Variants in CDH13 observed in about 807,000 individuals in gnomAD.
CDH13 encodes cadherin 13.
In CDH13, 24 loss-of-function variants were observed where a neutral mutation model predicts 63.8. That is an observed-to-expected ratio of 0.38 (90% confidence interval 0.27 to 0.53). The LOEUF (loss-of-function observed/expected upper bound fraction) is 0.53, where lower values mean the gene tolerates loss of function less well. Among genes scored for constraint, CDH13 ranks in the 20% least tolerant of loss-of-function variants. CDH13 has a pLI of 0.85. For missense variants in CDH13, 1,049 were observed against 903.1 expected, an observed-to-expected ratio of 1.16 and a Z score of -2.07; for synonymous variants, 503 against 355.3, an observed-to-expected ratio of 1.42 and a Z score of -4.67.
At chr16:83,761,545 A>G (rs1913968899) in intron 11 of CDH13, among the ~76,000 whole-genome samples, 1 of 152,224 alleles carries the variant, frequency 6.6e-6, no homozygotes, top group South Asian at 2.1e-4. Flanking sequence ...GAGGCACAAA[A>G]GCAGCTGGAT....
intron 6 of CDH13, among the ~76,000 whole-genome samples, chr16:83,347,394 C>T (rs2090862929): frequency 6.6e-6 from 1 of 152,016 alleles, no homozygotes; most frequent in African/African-American, 2.4e-5. Flanking sequence ...TGGGGGCTGA[C>T]TCTGGAAAGA....
intron 5 of CDH13, among the ~76,000 whole-genome samples, chr16:83,336,312 A>AAAG (rs1555531897): frequency 3.5e-5 from 5 of 143,848 alleles, no homozygotes; most frequent in Admixed American, 7.2e-5. Flanking sequence ...AAAAAAAAAA[A>AAAG]AAAAAAGAAA....
rs144421360 is a variant in CDH13, at chr16:82,997,773, A to G, written c.158-34237A>G. Among the ~76,000 whole-genome samples the G allele has an allele frequency of 1.8e-3, 270 of 152,300 alleles. 1 individual carries two copies. Among genetic ancestry groups the G allele is most frequent in the Non-Finnish European group, 2.7e-3 (182 of 68,020 alleles). On this transcript the variant is annotated intron_variant, in intron 2 of 13. Coordinates refer to ENST00000567109, the MANE Select transcript of CDH13 (RefSeq NM_001257.5). Reference sequence around the variant, plus strand: ...CAGCAGTCTATCTGGCTTCTAAGGTAAGTTTCTGTCACAACATTAAATATT... The same window carrying G: ...CAGCAGTCTATCTGGCTTCTAAGGTGAGTTTCTGTCACAACATTAAATATT...
At chr16:82,787,297 C>A (rs766181756) in intron 1 of CDH13, among the ~76,000 whole-genome samples, 1 of 152,168 alleles carries the variant, frequency 6.6e-6, no homozygotes. Flanking sequence ...TTGTATTATA[C>A]TGTCAAAAAA....
chr16:83,215,745 C>G (rs1304276987), intron 4 of CDH13, among the ~76,000 whole-genome samples: 2 of 152,122 alleles, frequency 1.3e-5, no homozygotes, highest in Non-Finnish European at 2.9e-5. Flanking sequence ...GAGTATGTGT[C>G]AACAGGTGCC....
chr16:82,812,317 AT>A, intron 1 of CDH13, among the ~76,000 whole-genome samples: 1 of 152,134 alleles, frequency 6.6e-6, no homozygotes, highest in East Asian at 1.9e-4. Context: ...GATATTTGCA[AT>A]AATTGAAGCT....
intron 7 of CDH13, 86 bp downstream of exon 7, chr16:83,486,741 T>C (rs2073899803): frequency 4.1e-6 from 5 of 1,222,750 alleles, no homozygotes; most frequent in African/African-American, 1.5e-5. Flanking sequence ...CAGTCAGTGG[T>C]TTTTTTTAAT....
At position 83,661,482 on chromosome 16, in the gene CDH13, C is replaced by CAA. The variant is rs35875178; in HGVS notation, c.1102-9291_1102-9290dup. 8.9e-4 allele frequency among the ~76,000 whole-genome samples: 104 copies of CAA among 116,796 alleles called. 1 individual carries two copies. The highest frequency in any genetic ancestry group is 5.5e-3 in the Middle Eastern group (1 of 182). The allele number at this position is 116,796 out of a possible 152,430, so 76.6% of individuals were successfully genotyped here. ...TGGGTGACAGAGCGAGACCCTGTCT[C>CAA]AAAAAAAAAAAAAAAAAATCTTGTT... On this transcript the variant is annotated intron_variant, in intron 8 of 13. Coordinates refer to ENST00000567109, the MANE Select transcript of CDH13 (RefSeq NM_001257.5).
chr16:83,180,251 G>T (rs972407955), intron 4 of CDH13, among the ~76,000 whole-genome samples: 2 of 151,938 alleles, frequency 1.3e-5, no homozygotes, highest in Non-Finnish European at 2.9e-5. Context: ...AAATGGTTTT[G>T]GGGTAACTTT....
chr16:83,757,964 C>T (rs935693064), intron 11 of CDH13, among the ~76,000 whole-genome samples: 2 of 151,638 alleles, frequency 1.3e-5, no homozygotes, highest in African/African-American at 2.4e-5. Flanking sequence ...CCCTTCTCTG[C>T]TAAAAAATAC....
chr16:82,930,852 G>C (rs1407857972), intron 2 of CDH13, among the ~76,000 whole-genome samples: 1 of 152,186 alleles, frequency 6.6e-6, no homozygotes. Flanking sequence ...TGACCTATCA[G>C]AGAGGACATA....
intron 2 of CDH13, chr16:82,859,307 C>T (rs2039833451): frequency 6.6e-6 from 1 of 152,338 alleles, no homozygotes; most frequent in African/African-American, 2.4e-5. Context: ...CCTGTAATCT[C>T]ACCACTTTGG....
chr16:83,078,085 A>C lies in CDH13; in HGVS notation c.366+45867A>C, dbSNP rs540768861. On this transcript the variant is annotated intron_variant, in intron 3 of 13. Transcript: ENST00000567109. ...CTCCATCTGACCTGAGATGAGAGTC[A>C]GCTCAAATAGGGATACCTGGAGACT... Among the ~76,000 whole-genome samples, 12 of 152,334 alleles carry C rather than the reference A, an allele frequency of 7.9e-5. 1 individual carries two copies. Among genetic ancestry groups the C allele is most frequent in the African/African-American group, 2.6e-4 (11 of 41,584 alleles).
chr16:82,683,189 C>G (rs970646516), intron 1 of CDH13, among the ~76,000 whole-genome samples: 1 of 152,168 alleles, frequency 6.6e-6, no homozygotes, highest in African/African-American at 2.4e-5. Context: ...CTTACTAAAC[C>G]TTCCCTGTCT....
intron 4 of CDH13, among the ~76,000 whole-genome samples, chr16:83,174,201 C>A (rs905584612): frequency 6.6e-6 from 1 of 151,968 alleles, no homozygotes; most frequent in South Asian, 2.1e-4. Context: ...GAGGTCAGTT[C>A]GGGGTCTGTC....
chr16:83,059,935 A>T (rs895431616), intron 3 of CDH13, among the ~76,000 whole-genome samples: 3 of 151,420 alleles, frequency 2.0e-5, no homozygotes, highest in Non-Finnish European at 2.9e-5. Flanking sequence ...CTGGGACTAC[A>T]GGTGCCCGCC....
chr16:82,960,840 C>A (rs935800871), intron 2 of CDH13, among the ~76,000 whole-genome samples: 1 of 151,996 alleles, frequency 6.6e-6, no homozygotes, highest in African/African-American at 2.4e-5. Context: ...ATTGTTAATA[C>A]AAATAAGTCT....
At chr16:83,681,644 G>A (rs753802073) in intron 10 of CDH13, among the ~76,000 whole-genome samples, 13 of 151,998 alleles carry the variant, frequency 8.6e-5, no homozygotes, top group Non-Finnish European at 1.2e-4. Flanking sequence ...GAGTAAAGTC[G>A]GGATAACATC....
intron 2 of CDH13, among the ~76,000 whole-genome samples, chr16:82,909,330 A>G (rs376864301): frequency 1.3e-5 from 2 of 151,782 alleles, no homozygotes; most frequent in East Asian, 1.9e-4. Context: ...AGTGTTAAAT[A>G]TAAGAGGTAA....
Sources: gnomAD v4.1 joint callset for allele counts (sites outside exome capture counted in the v4.1 genomes callset) on GRCh38, gnomAD v4.1.1 for gene constraint, MANE v1.5 for transcripts, NCBI Gene and HGNC (gene_info 2026-07-23, HGNC 2026-07-21) for gene names.